DNM3: variants seen among roughly 807,000 people sequenced by gnomAD.
DNM3 encodes dynamin 3, also known as dynamin-3.
Under a neutral mutation model 101.6 loss-of-function variants are expected in DNM3, and 47 were observed. The ratio of observed to expected loss-of-function variants is 0.46; its 90% CI spans 0.37 to 0.59. The LOEUF (loss-of-function observed/expected upper bound fraction) is 0.59, where lower values mean the gene tolerates loss of function less well. Ranked by LOEUF, DNM3 falls within the 20% of genes least tolerant of loss-of-function variation. The pLI is 0.00. For missense variants in DNM3, 849 were observed against 1,085.7 expected (o/e 0.78, Z 3.06); for synonymous variants, 385 against 387.9 (o/e 0.99, Z 0.09).
intron 13 of DNM3, among the ~76,000 whole-genome samples, chr1:172,097,016 G>A (rs2147850752): frequency 6.6e-6 from 1 of 152,242 alleles, no homozygotes; most frequent in East Asian, 1.9e-4. Context: ...AGGGGGTTAA[G>A]TCATCCTCCT....
At chr1:171,956,753 C>CTTCT (rs2042885464) in intron 2 of DNM3, among the ~76,000 whole-genome samples, 1 of 152,222 alleles carries the variant, frequency 6.6e-6, no homozygotes, top group African/African-American at 2.4e-5. Context: ...CTGCAGCAAA[C>CTTCT]TTCTGCCTGG....
intron 14 of DNM3, among the ~76,000 whole-genome samples, chr1:172,220,747 T>G (rs994874151): frequency 6.6e-6 from 1 of 152,058 alleles, no homozygotes; most frequent in African/African-American, 2.4e-5. Context: ...GATTTGAAGT[T>G]TTAGGGGATA....
At chr1:172,281,566 T>G (rs1365574575) in intron 15 of DNM3, among the ~76,000 whole-genome samples, 1 of 152,192 alleles carries the variant, frequency 6.6e-6, no homozygotes, top group African/African-American at 2.4e-5. Flanking sequence ...CCCAAATTAT[T>G]GATATATATA....
At chr1:172,095,100 T>TG (rs1370210232) in intron 13 of DNM3, among the ~76,000 whole-genome samples, 6 of 152,214 alleles carry the variant, frequency 3.9e-5, no homozygotes, top group African/African-American at 1.2e-4. Context: ...ATAATAGAAT[T>TG]GGGTGAGTGT....
At chr1:172,399,245 TGAG>T (rs2070273454) in intron 20 of DNM3, among the ~76,000 whole-genome samples, 1 of 152,200 alleles carries the variant, frequency 6.6e-6, no homozygotes, top group African/African-American at 2.4e-5. Flanking sequence ...GACAAGCCGC[TGAG>T]TAGAAGCGAC....
At position 172,133,160 on chromosome 1, in the gene DNM3, A is replaced by G. The variant is rs1461787004; in HGVS notation, c.1659+1872A>G. 3 of 1,344,344 alleles carry G rather than the reference A, an allele frequency of 2.2e-6. No individual in the cohort carries two copies. The Admixed American group carries it at 1.0e-4, about 47-fold the overall frequency. The allele number at this position is 1,344,344 out of a possible 1,614,324, so 83.3% of individuals were successfully genotyped here. ...ACTCTGGAGTAGCTACTGCTGTTGG[A>G]GTGTGGCATTAGTCTGGCTCTGTGA... On this transcript the variant is annotated intron_variant, in intron 14 of 20. Transcript: ENST00000627582.
chr1:172,175,397 T>A (rs1006808074), intron 14 of DNM3, among the ~76,000 whole-genome samples: 5 of 151,800 alleles, frequency 3.3e-5, no homozygotes, highest in Admixed American at 3.3e-4. Context: ...TAATATTGAT[T>A]TATCCATTAG....
At chr1:172,229,009 C>A (rs926917799) in intron 14 of DNM3, among the ~76,000 whole-genome samples, 4 of 152,166 alleles carry the variant, frequency 2.6e-5, no homozygotes, top group Non-Finnish European at 4.4e-5. Context: ...ACCTCAGAAT[C>A]CTGTCATTTC....
chr1:172,364,131 G>A (rs1294130779), intron 17 of DNM3, among the ~76,000 whole-genome samples: 1 of 151,920 alleles, frequency 6.6e-6, no homozygotes, highest in Non-Finnish European at 1.5e-5. Flanking sequence ...AAACTGTGCT[G>A]TGACTTTCCC....
chr1:172,335,722 T>C (rs1317616958), intron 17 of DNM3, among the ~76,000 whole-genome samples: 3 of 152,158 alleles, frequency 2.0e-5, no homozygotes, highest in Admixed American at 1.3e-4. Context: ...TTCTCACTTA[T>C]AAGTGGGAGC....
intron 1 of DNM3, among the ~76,000 whole-genome samples, chr1:171,842,444 C>T (rs773303724): frequency 6.6e-6 from 1 of 152,228 alleles, no homozygotes; most frequent in Non-Finnish European, 1.5e-5. Flanking sequence ...CGCTTCCCCA[C>T]CATTCTCCTC....
At position 172,081,792 on chromosome 1, in the gene DNM3, T is replaced by G. The variant is rs1480780647; in HGVS notation, c.1423-40T>G. On this transcript the variant is annotated intron_variant, in intron 11 of 20. Coordinates refer to ENST00000627582, the MANE Select transcript of DNM3 (RefSeq NM_015569.5). ...ACTGAATTTAATGTTTGAGAATTTTTAGATGGGTTTTCACTGAAGTGTTTC... is the reference window on the plus strand; with the variant it reads ...ACTGAATTTAATGTTTGAGAATTTTGAGATGGGTTTTCACTGAAGTGTTTC... 1.6e-5 allele frequency: 25 copies of G among 1,536,616 alleles called. No individual in the cohort carries two copies. In the East Asian group the frequency reaches 5.7e-4, roughly 35 times the overall value.
intron 15 of DNM3, among the ~76,000 whole-genome samples, chr1:172,283,759 CA>C (rs769812358): frequency 0.035 from 1,405 of 39,980 alleles, 9 homozygotes; most frequent in African/African-American, 0.079. Flanking sequence ...GACTCCATCT[CA>C]AAAAAAAAAA....
intron 12 of DNM3, among the ~76,000 whole-genome samples, chr1:172,089,304 C>T (rs190137182): frequency 2.0e-5 from 3 of 152,176 alleles, no homozygotes; most frequent in East Asian, 1.9e-4. Context: ...CTACGGAGTT[C>T]GTGCCCTATA....
chr1:172,294,814 AGGTG>A (rs1005753296), intron 15 of DNM3, among the ~76,000 whole-genome samples: 3 of 149,252 alleles, frequency 2.0e-5, no homozygotes, highest in Non-Finnish European at 4.4e-5. Flanking sequence ...TGGGAAGCTG[AGGTG>A]GAAGGATGGT....
At chr1:172,307,609 G>A (rs916771148) in intron 15 of DNM3, among the ~76,000 whole-genome samples, 36 of 152,258 alleles carry the variant, frequency 2.4e-4, no homozygotes, top group African/African-American at 8.4e-4. Flanking sequence ...CAATAGCAAA[G>A]ACTTGGAACT....
chr1:172,283,780 A>AAAAGAAAGAAAG (rs1553221114), intron 15 of DNM3, among the ~76,000 whole-genome samples: 12 of 119,102 alleles, frequency 1.0e-4, no homozygotes, highest in East Asian at 7.7e-4. Flanking sequence ...AAAAAAAAAA[A>AAAAGAAAGAAAG]AAAGAAAGAA....
intron 1 of DNM3, among the ~76,000 whole-genome samples, chr1:171,867,061 A>G (rs2034823566): frequency 6.6e-6 from 1 of 152,240 alleles, no homozygotes; most frequent in Non-Finnish European, 1.5e-5. Context: ...GTGTGTAACC[A>G]CACATGGAGT....
intron 10 of DNM3, among the ~76,000 whole-genome samples, chr1:172,053,444 C>A (rs1018143411): frequency 1.3e-5 from 2 of 152,026 alleles, no homozygotes; most frequent in Admixed American, 6.6e-5. Flanking sequence ...TCTGTTGATA[C>A]CCTATGTGTA....
Sources: gnomAD v4.1 joint callset for allele counts (sites outside exome capture counted in the v4.1 genomes callset) on GRCh38, gnomAD v4.1.1 for gene constraint, MANE v1.5 for transcripts, NCBI Gene and HGNC (gene_info 2026-07-23, HGNC 2026-07-21) for gene names.